The following DLG2 variants were observed in gnomAD, a reference collection of about 807,000 sequenced individuals.
DLG2 encodes the protein disks large homolog 2.
Under a neutral mutation model 132.5 loss-of-function variants are expected in DLG2, and 45 were observed. The ratio of observed to expected loss-of-function variants is 0.34; its 90% CI spans 0.27 to 0.44. DLG2 has a LOEUF of 0.44. Among genes scored for constraint, DLG2 ranks in the 20% least tolerant of loss-of-function variants. The pLI is 1.00. For missense variants in DLG2, 1,045 were observed against 1,196.9 expected (o/e 0.87, Z 1.87); for synonymous variants, 424 against 419.6 (o/e 1.01, Z -0.13).
chr11:85,336,274 T>C (rs508177), intron 3 of DLG2: 136,991 of 153,462 alleles, frequency 0.89, 61,453 homozygotes, highest in Non-Finnish European at 0.93. Context: ...GTCTGCCCCT[T>C]ATGCCACCAC....
intron 3 of DLG2, among the ~76,000 whole-genome samples, chr11:85,579,498 C>T (rs1375522086): frequency 6.6e-6 from 1 of 152,064 alleles, no homozygotes. Flanking sequence ...AAGGTGGACA[C>T]GATCAGGTAT....
chr11:85,309,201 A>G (rs1264786657), intron 3 of DLG2, among the ~76,000 whole-genome samples: 1 of 152,096 alleles, frequency 6.6e-6, no homozygotes, highest in Non-Finnish European at 1.5e-5. Flanking sequence ...ATACATATCA[A>G]TCCACCTGCA....
chr11:84,190,712 A>C (rs1051994392), intron 8 of DLG2, among the ~76,000 whole-genome samples: 1 of 152,198 alleles, frequency 6.6e-6, no homozygotes, highest in African/African-American at 2.4e-5. Flanking sequence ...TAGGAGATGC[A>C]CAATCTGCAA....
At chr11:84,194,120 A>G (rs2096466538) in intron 8 of DLG2, among the ~76,000 whole-genome samples, 1 of 152,192 alleles carries the variant, frequency 6.6e-6, no homozygotes, top group African/African-American at 2.4e-5. Context: ...TGGGGAATCA[A>G]TCTTTCGATG....
intron 17 of DLG2, among the ~76,000 whole-genome samples, chr11:83,807,461 G>T (rs755299023): frequency 2.6e-5 from 4 of 152,162 alleles, no homozygotes; most frequent in Non-Finnish European, 4.4e-5. Context: ...CAGAGCTTCA[G>T]ATGTGAACGG....
At chr11:83,631,632 T>G (rs2063574586) in intron 19 of DLG2, 1 of 152,172 alleles carries the variant, frequency 6.6e-6, no homozygotes, top group South Asian at 2.1e-4. Context: ...TTCATTTAAT[T>G]TTCTTAATCT....
chr11:84,516,639 G>T (rs534896046), intron 7 of DLG2, among the ~76,000 whole-genome samples: 33 of 151,314 alleles, frequency 2.2e-4, no homozygotes, highest in Non-Finnish European at 4.4e-4. Context: ...ATTTATTGAA[G>T]AATTAATGCC....
intron 4 of DLG2, among the ~76,000 whole-genome samples, chr11:85,221,770 T>C (rs1359376268): frequency 1.3e-5 from 2 of 152,230 alleles, no homozygotes; most frequent in Non-Finnish European, 2.9e-5. Flanking sequence ...TCATATCTGA[T>C]GGCAAAATAA....
intron 8 of DLG2, among the ~76,000 whole-genome samples, chr11:84,200,179 T>C (rs1262852814): frequency 6.6e-6 from 1 of 152,094 alleles, no homozygotes; most frequent in Non-Finnish European, 1.5e-5. Context: ...GTCAAATTAG[T>C]ATTCAATATG....
intron 8 of DLG2, among the ~76,000 whole-genome samples, chr11:84,165,132 C>T (rs1319714329): frequency 6.6e-6 from 1 of 152,300 alleles, no homozygotes; most frequent in African/African-American, 2.4e-5. Context: ...CATTTTCATT[C>T]CCTCAGTATG....
chr11:85,499,563 G>A (rs1225996750), intron 3 of DLG2, among the ~76,000 whole-genome samples: 3 of 152,092 alleles, frequency 2.0e-5, no homozygotes, highest in Admixed American at 6.6e-5. Flanking sequence ...CCAATCAATT[G>A]AAAAAGAGGG....
chr11:85,402,007 G>A (rs912695901), intron 3 of DLG2, among the ~76,000 whole-genome samples: 3 of 151,966 alleles, frequency 2.0e-5, no homozygotes, highest in African/African-American at 7.3e-5. Flanking sequence ...ATTTCATATG[G>A]AACCAAAAAA....
intron 7 of DLG2, among the ~76,000 whole-genome samples, chr11:84,421,744 T>A (rs2098951616): frequency 6.6e-6 from 1 of 152,176 alleles, no homozygotes; most frequent in African/African-American, 2.4e-5. Context: ...AGTCACATCT[T>A]CCCATTCCCT....
chr11:85,259,520 T>C (rs2076834220), intron 4 of DLG2, among the ~76,000 whole-genome samples: 1 of 152,084 alleles, frequency 6.6e-6, no homozygotes, highest in Admixed American at 6.5e-5. Flanking sequence ...ACAATCCAGC[T>C]GACCCTCCCA....
At chr11:84,332,204 C>CTTT (rs35166465) in intron 7 of DLG2, among the ~76,000 whole-genome samples, 23 of 137,236 alleles carry the variant, frequency 1.7e-4, no homozygotes, top group East Asian at 2.1e-4. Context: ...TTTGCTTGTC[C>CTTT]TTTTTTTTTT....
chr11:83,939,500 C>T (rs1761106738), intron 14 of DLG2, among the ~76,000 whole-genome samples: 1 of 152,172 alleles, frequency 6.6e-6, no homozygotes, highest in South Asian at 2.1e-4. Flanking sequence ...AGGAACATTA[C>T]AAAGGCCCCC....
At chr11:84,678,582 A>G (rs537710781) in intron 6 of DLG2, among the ~76,000 whole-genome samples, 1 of 152,266 alleles carries the variant, frequency 6.6e-6, no homozygotes, top group Admixed American at 6.5e-5. Context: ...ACAATCTCAC[A>G]TAACTATATG....
At chr11:83,679,430 C>A (rs2078352165) in intron 18 of DLG2, among the ~76,000 whole-genome samples, 1 of 152,010 alleles carries the variant, frequency 6.6e-6, no homozygotes, top group Non-Finnish European at 1.5e-5. Flanking sequence ...TTTCCATGTT[C>A]TCTATTTGAA....
chr11:85,081,388 T>C (rs967424425), intron 6 of DLG2, among the ~76,000 whole-genome samples: 1 of 152,164 alleles, frequency 6.6e-6, no homozygotes, highest in Non-Finnish European at 1.5e-5. Context: ...TACCGCAAAG[T>C]GAAAGCCTCA....
Sources: allele counts gnomAD v4.1 joint callset (sites outside exome capture counted in the v4.1 genomes callset), GRCh38; gene constraint gnomAD v4.1.1; transcripts MANE v1.5; gene names NCBI Gene and HGNC (gene_info 2026-07-23, HGNC 2026-07-21).